Variants in HHAT observed in about 807,000 individuals in gnomAD.
The protein encoded by HHAT is hedgehog acyltransferase.
Under a neutral mutation model 70.8 loss-of-function variants are expected in HHAT, and 47 were observed. The ratio of observed to expected loss-of-function variants is 0.66; its 90% CI spans 0.53 to 0.85. HHAT has a LOEUF of 0.85. HHAT is among the 40% of genes least tolerant of loss of function. HHAT has a pLI of 0.00. For missense variants in HHAT, 609 were observed against 604.8 expected, an observed-to-expected ratio of 1.01 and a Z score of -0.07; for synonymous variants, 228 against 247.6, an observed-to-expected ratio of 0.92 and a Z score of 0.74.
intron 2 of HHAT, among the ~76,000 whole-genome samples, chr1:210,351,776 C>T (rs2087046547): frequency 1.3e-5 from 2 of 152,142 alleles, no homozygotes; most frequent in Non-Finnish European, 1.5e-5. Context: ...ACATTTCTTA[C>T]ATTTATTACA....
chr1:210,502,500 T>G (rs536646787), intron 8 of HHAT, among the ~76,000 whole-genome samples: 3 of 152,172 alleles, frequency 2.0e-5, no homozygotes, highest in Non-Finnish European at 4.4e-5. Context: ...GAATTTTTAG[T>G]GAGGCAATCT....
chr1:210,448,414 G>T (rs1012241928), intron 7 of HHAT, among the ~76,000 whole-genome samples: 3 of 152,162 alleles, frequency 2.0e-5, no homozygotes, highest in Non-Finnish European at 2.9e-5. Flanking sequence ...TTGGTATTTT[G>T]TGTGTGCATA....
chr1:210,438,413 T>C (rs2093428935), intron 7 of HHAT, among the ~76,000 whole-genome samples: 1 of 151,796 alleles, frequency 6.6e-6, no homozygotes, highest in South Asian at 2.1e-4. Flanking sequence ...GCTGTGCCTC[T>C]TTCTTATGGA....
intron 8 of HHAT, among the ~76,000 whole-genome samples, chr1:210,493,841 C>G (rs1171032024): frequency 6.6e-6 from 1 of 152,184 alleles, no homozygotes; most frequent in African/African-American, 2.4e-5. Flanking sequence ...CTTACCGGTT[C>G]CTTGCATCAC....
intron 9 of HHAT, among the ~76,000 whole-genome samples, chr1:210,586,903 G>A (rs746041027): frequency 4.6e-5 from 7 of 152,220 alleles, no homozygotes; most frequent in Non-Finnish European, 7.3e-5. Flanking sequence ...TCTCAGCAAT[G>A]GAGAACATAC....
intron 11 of HHAT, among the ~76,000 whole-genome samples, chr1:210,656,452 C>T (rs1313694995): frequency 6.6e-6 from 1 of 152,132 alleles, no homozygotes; most frequent in Non-Finnish European, 1.5e-5. Context: ...CCCATGTGGC[C>T]TGAGATGACA....
chr1:210,498,760 CTG>C (rs2094696830), intron 8 of HHAT, among the ~76,000 whole-genome samples: 2 of 138,956 alleles, frequency 1.4e-5, no homozygotes, highest in South Asian at 4.5e-4. Context: ...GCCTTGCAGT[CTG>C]TTTTTTTTTT....
intron 6 of HHAT, among the ~76,000 whole-genome samples, chr1:210,416,628 T>G (rs2092728672): frequency 1.3e-5 from 2 of 152,216 alleles, no homozygotes; most frequent in Non-Finnish European, 2.9e-5. Context: ...TTTAAAAATT[T>G]TCATCTGTGT....
Position 210,508,198 on chromosome 1 carries a change from C to A in HHAT, c.1008-4955C>A, listed in dbSNP as rs868552801. ...TGGGTGACAGAGTGAGACTCCTTCT[C>A]AAAAAAAAAAAAAAAAAAAGTCCTA... On this transcript the variant is annotated intron_variant, in intron 8 of 11. Transcript: ENST00000261458. 5.3e-3 allele frequency among the ~76,000 whole-genome samples: 471 copies of A among 89,232 alleles called. 1 individual carries two copies. Among genetic ancestry groups the A allele is most frequent in the African/African-American group, 8.0e-3 (172 of 21,558 alleles). 58.5% of individuals were successfully genotyped at this position (89,232 alleles called of 152,430 possible). A position where few individuals can be genotyped will look rare whatever the true frequency, so the allele number is the denominator to read the frequency against.
At chr1:210,407,335 A>G (rs1266911801) in intron 6 of HHAT, among the ~76,000 whole-genome samples, 7 of 152,250 alleles carry the variant, frequency 4.6e-5, no homozygotes, top group Admixed American at 4.6e-4. Flanking sequence ...ATTGAAATGC[A>G]TGGTTCTTAG....
chr1:210,460,654 T>C (rs1310054228), intron 7 of HHAT, among the ~76,000 whole-genome samples: 1 of 152,212 alleles, frequency 6.6e-6, no homozygotes, highest in Non-Finnish European at 1.5e-5. Flanking sequence ...AAGGAGCTGA[T>C]GTTCAATAAC....
chr1:210,467,215 T>C (rs2094125357), intron 8 of HHAT, among the ~76,000 whole-genome samples: 1 of 152,180 alleles, frequency 6.6e-6, no homozygotes, highest in African/African-American at 2.4e-5. Flanking sequence ...CCATACTAAG[T>C]AGTTAAATTT....
intron 11 of HHAT, among the ~76,000 whole-genome samples, chr1:210,673,493 C>T (rs1292812992): frequency 6.6e-6 from 1 of 151,594 alleles, no homozygotes; most frequent in Non-Finnish European, 1.5e-5. Flanking sequence ...ACATGACCTA[C>T]ATGTTTACAG....
intron 4 of HHAT, among the ~76,000 whole-genome samples, chr1:210,389,073 T>G (rs2091278079): frequency 6.6e-6 from 1 of 152,194 alleles, no homozygotes; most frequent in Non-Finnish European, 1.5e-5. Flanking sequence ...TTTTGTTGCT[T>G]ATAAGAGAAT....
At chr1:210,431,645 G>T (rs2093246820) in intron 7 of HHAT, among the ~76,000 whole-genome samples, 1 of 151,734 alleles carries the variant, frequency 6.6e-6, no homozygotes, top group African/African-American at 2.4e-5. Context: ...TATGTACCTT[G>T]TGGCCATAAC....
At chr1:210,541,095 C>T (rs1341259791) in intron 9 of HHAT, among the ~76,000 whole-genome samples, 2 of 152,278 alleles carry the variant, frequency 1.3e-5, no homozygotes, top group African/African-American at 4.8e-5. Flanking sequence ...CCTGCCTCGG[C>T]CTCTCAAAGT....
At chr1:210,525,238 T>C (rs2095228240) in intron 9 of HHAT, among the ~76,000 whole-genome samples, 1 of 152,028 alleles carries the variant, frequency 6.6e-6, no homozygotes, top group Non-Finnish European at 1.5e-5. Flanking sequence ...ACAGAGACCC[T>C]CTAAATCCAC....
chr1:210,396,114 G>A (rs1320659532), intron 4 of HHAT, among the ~76,000 whole-genome samples: 1 of 152,164 alleles, frequency 6.6e-6, no homozygotes, highest in Non-Finnish European at 1.5e-5. Context: ...AAAGGCCATA[G>A]CGTTCAGTCT....
chr1:210,344,537 G>C (rs373702684), intron 1 of HHAT, among the ~76,000 whole-genome samples: 2 of 152,298 alleles, frequency 1.3e-5, no homozygotes, highest in African/African-American at 4.8e-5. Context: ...ATGCTCATCT[G>C]TCCAAGGCAG....
Sources: allele counts gnomAD v4.1 joint callset (sites outside exome capture counted in the v4.1 genomes callset), GRCh38; gene constraint gnomAD v4.1.1; transcripts MANE v1.5; gene names NCBI Gene and HGNC (gene_info 2026-07-23, HGNC 2026-07-21).